NMNAT3: variants seen among roughly 807,000 people sequenced by gnomAD.
NMNAT3 encodes the protein nicotinamide/nicotinic acid mononucleotide adenylyltransferase 3.
A neutral mutation model predicts 24.8 loss-of-function variants in NMNAT3; 21 were observed. That is an observed-to-expected ratio of 0.85 (90% CI 0.60 to 1.22). The LOEUF is 1.22. NMNAT3 is among the 50% of genes most tolerant of loss of function. NMNAT3 has a pLI of 0.00. For synonymous variants in NMNAT3, 136 were observed against 155.2 expected, an observed-to-expected ratio of 0.88 and a Z score of 0.92; for missense variants, 387 against 436.6, an observed-to-expected ratio of 0.89 and a Z score of 1.01.
chr3:139,619,604 C>T (rs1030148379), intron 3 of NMNAT3, among the ~76,000 whole-genome samples: 3 of 152,118 alleles, frequency 2.0e-5, no homozygotes, highest in Non-Finnish European at 4.4e-5. Context: ...GTAGACCTGT[C>T]TGAGAAGCAG....
intron 3 of NMNAT3, among the ~76,000 whole-genome samples, chr3:139,587,495 G>T (rs964006819): frequency 7.9e-5 from 12 of 152,166 alleles, no homozygotes; most frequent in African/African-American, 2.2e-4. Flanking sequence ...GAGGGCAGCT[G>T]CCCTGTTTTG....
intron 3 of NMNAT3, among the ~76,000 whole-genome samples, chr3:139,618,592 G>T (rs2076822343): frequency 6.6e-6 from 1 of 152,176 alleles, no homozygotes; most frequent in South Asian, 2.1e-4. Flanking sequence ...TGATTTATAT[G>T]CAAGTAATAT....
At chr3:139,609,041 G>A (rs1039350559) in intron 3 of NMNAT3, among the ~76,000 whole-genome samples, 1 of 152,188 alleles carries the variant, frequency 6.6e-6, no homozygotes, top group South Asian at 2.1e-4. Flanking sequence ...ATTATTCCCT[G>A]GAGATCATCC....
intron 5 of NMNAT3, among the ~76,000 whole-genome samples, chr3:139,577,245 T>A (rs1403384582): frequency 6.6e-6 from 1 of 152,240 alleles, no homozygotes; most frequent in African/African-American, 2.4e-5. Flanking sequence ...TATTTATCCA[T>A]GAATGGCTTA....
At chr3:139,599,566 C>A in intron 3 of NMNAT3, 1 of 606,244 alleles carries the variant, frequency 1.6e-6, no homozygotes, top group Non-Finnish European at 2.9e-6. Flanking sequence ...ATAAAAAAGA[C>A]CAGAATCTCA....
At chr3:139,634,855 T>C (rs2056442405) in intron 2 of NMNAT3, 1 of 152,132 alleles carries the variant, frequency 6.6e-6, no homozygotes, top group Admixed American at 6.5e-5. Context: ...TACTACTGGG[T>C]TTATTGAGTA....
intron 1 of NMNAT3, among the ~76,000 whole-genome samples, chr3:139,651,159 G>T (rs1168295169): frequency 2.0e-5 from 3 of 152,176 alleles, no homozygotes; most frequent in Admixed American, 1.3e-4. Context: ...GTAAGAATTG[G>T]TAAGAAGTAA....
chr3:139,598,590 T>C (rs1156484540), intron 3 of NMNAT3, among the ~76,000 whole-genome samples: 1 of 152,104 alleles, frequency 6.6e-6, no homozygotes, highest in African/African-American at 2.4e-5. Context: ...GGTCACAGTC[T>C]TCAAGACTTC....
chr3:139,663,678 T>C (rs2057489824), intron 1 of NMNAT3, among the ~76,000 whole-genome samples: 1 of 152,140 alleles, frequency 6.6e-6, no homozygotes, highest in Non-Finnish European at 1.5e-5. Context: ...CAGCAGCTAG[T>C]TCATGACCCT....
At chr3:139,630,608 G>C (rs2056254374) in intron 2 of NMNAT3, among the ~76,000 whole-genome samples, 1 of 152,196 alleles carries the variant, frequency 6.6e-6, no homozygotes, top group East Asian at 1.9e-4. Context: ...CCAGAGTAGG[G>C]ATCAGTGAAG....
At chr3:139,627,083 T>G (rs1448668873) in intron 3 of NMNAT3, among the ~76,000 whole-genome samples, 1 of 152,204 alleles carries the variant, frequency 6.6e-6, no homozygotes, top group Non-Finnish European at 1.5e-5. Context: ...TATCCTCAGA[T>G]TATATATTTC....
intron 2 of NMNAT3, among the ~76,000 whole-genome samples, chr3:139,629,053 C>A (rs2056178507): frequency 6.6e-6 from 1 of 152,126 alleles, no homozygotes; most frequent in African/African-American, 2.4e-5. Context: ...GTAATCTCAT[C>A]CCTTAAGTAT....
At chr3:139,614,362 C>G (rs942127468) in intron 3 of NMNAT3, among the ~76,000 whole-genome samples, 1 of 152,196 alleles carries the variant, frequency 6.6e-6, no homozygotes, top group Non-Finnish European at 1.5e-5. Flanking sequence ...CTACCAGACT[C>G]TCTGCTCTCA....
intron 3 of NMNAT3, among the ~76,000 whole-genome samples, chr3:139,588,027 CAGGAG>C (rs939571215): frequency 2.0e-5 from 3 of 152,130 alleles, no homozygotes; most frequent in African/African-American, 7.2e-5. Flanking sequence ...TTATAGCACC[CAGGAG>C]AGGAGAGTCA....
chr3:139,675,164 G>C (rs1021967037), intron 1 of NMNAT3, among the ~76,000 whole-genome samples: 1 of 40,792 alleles, frequency 2.5e-5, no homozygotes, highest in Admixed American at 2.7e-4. Flanking sequence ...ACACACACAC[G>C]TGCACATATA....
chr3:139,640,695 G>T (rs1305702082), intron 1 of NMNAT3, among the ~76,000 whole-genome samples: 2 of 152,140 alleles, frequency 1.3e-5, no homozygotes, highest in African/African-American at 2.4e-5. Context: ...CCCAAGAAGA[G>T]CTGTTCACCT....
At chr3:139,618,012 T>C (rs1181901188) in intron 3 of NMNAT3, among the ~76,000 whole-genome samples, 1 of 152,218 alleles carries the variant, frequency 6.6e-6, no homozygotes, top group African/African-American at 2.4e-5. Flanking sequence ...CCACATCCAC[T>C]ACACAAATTC....
intron 3 of NMNAT3, among the ~76,000 whole-genome samples, chr3:139,592,957 T>C (rs1220046273): frequency 2.0e-5 from 3 of 152,142 alleles, no homozygotes; most frequent in Non-Finnish European, 4.4e-5. Flanking sequence ...AGGATCAAAT[T>C]CACACATAAC....
chr3:139,616,723 T>C (rs896360969), intron 3 of NMNAT3, among the ~76,000 whole-genome samples: 2 of 152,190 alleles, frequency 1.3e-5, no homozygotes, highest in Non-Finnish European at 2.9e-5. Flanking sequence ...ATCAAAAATA[T>C]TGCTTCAACT....
Sources: allele counts gnomAD v4.1 joint callset (sites outside exome capture counted in the v4.1 genomes callset), GRCh38; gene constraint gnomAD v4.1.1; transcripts MANE v1.5; gene names NCBI Gene and HGNC (gene_info 2026-07-23, HGNC 2026-07-21).